Variants in CACNB2 observed in about 807,000 individuals in gnomAD.
CACNB2 encodes the protein calcium voltage-gated channel auxiliary subunit beta 2, also known as voltage-dependent L-type calcium channel subunit beta-2.
A neutral mutation model predicts 73.3 loss-of-function variants in CACNB2; 42 were observed. The observed-to-expected ratio is 0.57, with a 90% confidence interval of 0.45 to 0.74. The LOEUF (loss-of-function observed/expected upper bound fraction) is 0.74, where lower values mean the gene tolerates loss of function less well. CACNB2 is among the 30% of genes least tolerant of loss of function. The pLI, the probability that CACNB2 is intolerant of heterozygous loss-of-function variation, is 0.00. For synonymous variants in CACNB2, 348 were observed against 310.3 expected, an observed-to-expected ratio of 1.12 and a Z score of -1.28; for missense variants, 940 against 853.0, an observed-to-expected ratio of 1.10 and a Z score of -1.27.
At chr10:18,413,033 C>T (rs983060294) in intron 3 of CACNB2, among the ~76,000 whole-genome samples, 1 of 152,170 alleles carries the variant, frequency 6.6e-6, no homozygotes, top group Non-Finnish European at 1.5e-5. Flanking sequence ...TGCAGTGGCA[C>T]GATCTTAGCT....
chr10:18,398,486 T>C (rs1168637397), intron 2 of CACNB2, among the ~76,000 whole-genome samples: 2 of 151,952 alleles, frequency 1.3e-5, no homozygotes, highest in East Asian at 3.9e-4. Context: ...CTGGGCAACA[T>C]AGTGAGACCC....
At chr10:18,142,690 A>G (rs2030545428) in intron 1 of CACNB2, among the ~76,000 whole-genome samples, 1 of 152,238 alleles carries the variant, frequency 6.6e-6, no homozygotes, top group Non-Finnish European at 1.5e-5. Flanking sequence ...TTCAGATAAG[A>G]GATACTAATT....
Position 18,450,826 on chromosome 10 carries a change from C to T in CACNB2, c.334-47529C>T, listed in dbSNP as rs148400819. 0.012 allele frequency among the ~76,000 whole-genome samples: 1,761 copies of T among 151,998 alleles called. 70 individuals are homozygous for T. In the South Asian group the frequency reaches 0.12, roughly 11 times the overall value. ...GTTGTTGTCATATTTTTAGTAGAGA[C>T]GGGTTTCACCATGTTGGCCAGGCTG... On this transcript the variant is annotated intron_variant, in intron 3 of 13. Transcript: ENST00000324631.
intron 2 of CACNB2, among the ~76,000 whole-genome samples, chr10:18,331,058 C>T (rs1012250093): frequency 1.1e-4 from 17 of 149,280 alleles, no homozygotes; most frequent in Non-Finnish European, 2.1e-4. Context: ...CGATCTTGGC[C>T]CACTGCAACT....
chr10:18,385,948 A>G (rs889045242), intron 2 of CACNB2, among the ~76,000 whole-genome samples: 6 of 152,152 alleles, frequency 3.9e-5, no homozygotes, highest in African/African-American at 1.4e-4. Flanking sequence ...TTATATATAT[A>G]TCCTTATGTA....
intron 2 of CACNB2, among the ~76,000 whole-genome samples, chr10:18,157,580 A>G (rs2032151543): frequency 6.6e-6 from 1 of 152,208 alleles, no homozygotes; most frequent in South Asian, 2.1e-4. Context: ...TTAAATGCTT[A>G]CTTTAAGTTC....
chr10:18,396,500 C>G (rs902081531), intron 2 of CACNB2, among the ~76,000 whole-genome samples: 7 of 152,136 alleles, frequency 4.6e-5, no homozygotes, highest in Admixed American at 3.9e-4. Flanking sequence ...GAGACGGAGT[C>G]TCGCTCTGTT....
At chr10:18,311,302 T>C (rs561576967) in intron 2 of CACNB2, among the ~76,000 whole-genome samples, 54 of 152,336 alleles carry the variant, frequency 3.5e-4, no homozygotes, top group Non-Finnish European at 5.9e-4. Flanking sequence ...TCCTCTGGAA[T>C]CTTTTAGTCT....
chr10:18,182,228 T>C, intron 2 of CACNB2: 1 of 151,880 alleles, frequency 6.6e-6, no homozygotes, highest in Non-Finnish European at 1.5e-5. Flanking sequence ...TTTGGGAGGT[T>C]GAGGCGGGCA....
At chr10:18,458,730 A>G (rs913250127) in intron 3 of CACNB2, among the ~76,000 whole-genome samples, 1 of 150,390 alleles carries the variant, frequency 6.6e-6, no homozygotes, top group African/African-American at 2.4e-5. Flanking sequence ...GCATACTATT[A>G]TACTATTAAC....
intron 6 of CACNB2, among the ~76,000 whole-genome samples, chr10:18,507,155 G>A (rs903268928): frequency 1.3e-5 from 2 of 152,170 alleles, no homozygotes; most frequent in Non-Finnish European, 2.9e-5. Flanking sequence ...CAGTAAATGG[G>A]TGAATACTTG....
intron 2 of CACNB2, among the ~76,000 whole-genome samples, chr10:18,235,044 G>A (rs1229189633): frequency 3.3e-5 from 5 of 151,936 alleles, no homozygotes; most frequent in African/African-American, 1.2e-4. Flanking sequence ...TCAGGAGGCT[G>A]AGGCAGGAGA....
At chr10:18,199,049 C>A (rs2034753861) in intron 2 of CACNB2, among the ~76,000 whole-genome samples, 2 of 152,074 alleles carry the variant, frequency 1.3e-5, no homozygotes, top group Admixed American at 6.6e-5. Context: ...GAGTTAGCAC[C>A]TTGCAACTCA....
At chr10:18,339,431 G>C (rs2132061972) in intron 2 of CACNB2, among the ~76,000 whole-genome samples, 1 of 152,282 alleles carries the variant, frequency 6.6e-6, no homozygotes, top group Middle Eastern at 3.4e-3. Context: ...TGAGGCAGGA[G>C]AATGGCTTGA....
At chr10:18,386,606 C>T (rs895226305) in intron 2 of CACNB2, among the ~76,000 whole-genome samples, 1 of 151,912 alleles carries the variant, frequency 6.6e-6, no homozygotes, top group Non-Finnish European at 1.5e-5. Context: ...CAGGGTTTCA[C>T]CGTGTTAGCC....
At chr10:18,370,519 C>G (rs533329945) in intron 2 of CACNB2, among the ~76,000 whole-genome samples, 9 of 152,278 alleles carry the variant, frequency 5.9e-5, no homozygotes, top group East Asian at 3.9e-4. Context: ...AGGCTGGTCT[C>G]GAACTCCTAG....
At chr10:18,408,772 T>A (rs574802253) in intron 3 of CACNB2, among the ~76,000 whole-genome samples, 1 of 152,268 alleles carries the variant, frequency 6.6e-6, no homozygotes, top group East Asian at 1.9e-4. Context: ...TATAAAAGGT[T>A]CTTTAGGGAT....
At chr10:18,141,149 GC>G (rs1564288891) in intron 1 of CACNB2, 4 of 1,345,294 alleles carry the variant, frequency 3.0e-6, no homozygotes, top group Non-Finnish European at 3.9e-6. Flanking sequence ...GGCCCTCCTC[GC>G]CCCTTCCCGG....
At chr10:18,411,812 T>C (rs1387927621) in intron 3 of CACNB2, among the ~76,000 whole-genome samples, 1 of 152,160 alleles carries the variant, frequency 6.6e-6, no homozygotes, top group South Asian at 2.1e-4. Flanking sequence ...CCAGCCTCTT[T>C]AAGCATGTAG....
Sources: allele counts gnomAD v4.1 joint callset (sites outside exome capture counted in the v4.1 genomes callset), GRCh38; gene constraint gnomAD v4.1.1; transcripts MANE v1.5; gene names NCBI Gene and HGNC (gene_info 2026-07-23, HGNC 2026-07-21).